CDKAL1: variants seen among roughly 807,000 people sequenced by gnomAD.
The protein encoded by CDKAL1 is threonylcarbamoyladenosine tRNA methylthiotransferase.
A neutral mutation model predicts 68.2 loss-of-function variants in CDKAL1; 32 were observed. That is an observed-to-expected ratio of 0.47 (90% CI 0.35 to 0.63). The LOEUF is 0.63. CDKAL1 is among the 30% of genes least tolerant of loss of function. The pLI is 0.00. For missense variants in CDKAL1, 606 were observed against 696.7 expected (o/e 0.87, Z 1.47); for synonymous variants, 234 against 244.3 (o/e 0.96, Z 0.39).
chr6:20,748,792 A>G (rs1543363), intron 6 of CDKAL1, among the ~76,000 whole-genome samples: 135,701 of 151,482 alleles, frequency 0.9, 60,850 homozygotes, highest in Middle Eastern at 0.93. Context: ...AACTGGACCT[A>G]GATATCACTT....
intron 8 of CDKAL1, among the ~76,000 whole-genome samples, chr6:20,836,214 T>C (rs1777934843): frequency 6.6e-6 from 1 of 152,196 alleles, no homozygotes. Flanking sequence ...AAGAAAAGCA[T>C]CGAAGTAAAT....
chr6:20,994,190 C>T (rs753807845), intron 10 of CDKAL1, among the ~76,000 whole-genome samples: 2 of 152,168 alleles, frequency 1.3e-5, no homozygotes, highest in Non-Finnish European at 1.5e-5. Flanking sequence ...TAAGAAAATG[C>T]ATTGTGGGCT....
chr6:20,716,885 G>C (rs184334305), intron 5 of CDKAL1, among the ~76,000 whole-genome samples: 1 of 152,072 alleles, frequency 6.6e-6, no homozygotes, highest in African/African-American at 2.4e-5. Context: ...AGGCAGAGAA[G>C]AGAGAACCAA....
chr6:20,674,564 A>G (rs912155483), intron 5 of CDKAL1, among the ~76,000 whole-genome samples: 14 of 152,166 alleles, frequency 9.2e-5, no homozygotes, highest in Non-Finnish European at 1.8e-4. Flanking sequence ...CACCTCAAAC[A>G]TTTATCATTT....
intron 10 of CDKAL1, among the ~76,000 whole-genome samples, chr6:20,958,278 T>G (rs1385099007): frequency 6.6e-6 from 1 of 152,228 alleles, no homozygotes; most frequent in Non-Finnish European, 1.5e-5. Flanking sequence ...TAAGAGGTTT[T>G]AAACTCTTCC....
At position 20,918,901 on chromosome 6, in the gene CDKAL1, C is replaced by T. The variant is rs1762832446; in HGVS notation, c.743-36518C>T. Among the ~76,000 whole-genome samples, 3 of 152,220 alleles carry T rather than the reference C, an allele frequency of 2.0e-5. No individual in the cohort carries two copies. In the South Asian group the frequency reaches 6.2e-4, roughly 31 times the overall value. Reference sequence around the variant, plus strand: ...TTTAGTGTTCATGGGCATTTCCACCCTCCAGTATTGGCCAACAGCAATATT... The same window carrying T: ...TTTAGTGTTCATGGGCATTTCCACCTTCCAGTATTGGCCAACAGCAATATT... On this transcript the variant is annotated intron_variant, in intron 9 of 15. Coordinates refer to ENST00000274695, the MANE Select transcript of CDKAL1 (RefSeq NM_017774.3).
chr6:20,573,197 A>G (rs994256341), intron 4 of CDKAL1, among the ~76,000 whole-genome samples: 8 of 152,116 alleles, frequency 5.3e-5, no homozygotes, highest in Non-Finnish European at 1.2e-4. Context: ...CAGATTGGAA[A>G]TTTCCATTGT....
intron 2 of CDKAL1, among the ~76,000 whole-genome samples, chr6:20,545,875 C>A (rs1170379878): frequency 6.6e-6 from 1 of 152,158 alleles, no homozygotes; most frequent in Non-Finnish European, 1.5e-5. Context: ...AAGGACAATA[C>A]TTTATATCGA....
chr6:20,747,348 T>G (rs926429901), intron 6 of CDKAL1, among the ~76,000 whole-genome samples: 7 of 152,218 alleles, frequency 4.6e-5, no homozygotes, highest in Non-Finnish European at 1.0e-4. Context: ...TTCCTTTGGA[T>G]ATATAAGGAT....
chr6:20,760,039 C>A (rs1390539608), intron 7 of CDKAL1, among the ~76,000 whole-genome samples: 1 of 151,318 alleles, frequency 6.6e-6, no homozygotes, highest in Non-Finnish European at 1.5e-5. Context: ...TGAATCATTG[C>A]CTTATCAGAG....
intron 8 of CDKAL1, among the ~76,000 whole-genome samples, chr6:20,795,113 T>C (rs1452329657): frequency 6.6e-6 from 1 of 152,138 alleles, no homozygotes; most frequent in Admixed American, 6.6e-5. Flanking sequence ...TCACTCATTA[T>C]TTACCTTTCC....
At chr6:21,162,315 C>T (rs1283254233) in intron 13 of CDKAL1, among the ~76,000 whole-genome samples, 1 of 152,170 alleles carries the variant, frequency 6.6e-6, no homozygotes, top group Non-Finnish European at 1.5e-5. Flanking sequence ...CTTGTTAACT[C>T]CTAATTCCCC....
intron 7 of CDKAL1, among the ~76,000 whole-genome samples, chr6:20,762,434 A>C (rs1227111609): frequency 6.6e-6 from 1 of 152,204 alleles, no homozygotes; most frequent in African/African-American, 2.4e-5. Context: ...GCAGATCAGG[A>C]AGCTGAGCTG....
At chr6:21,193,008 G>A (rs1000065953) in intron 13 of CDKAL1, among the ~76,000 whole-genome samples, 4 of 151,828 alleles carry the variant, frequency 2.6e-5, no homozygotes, top group African/African-American at 4.8e-5. Flanking sequence ...TTGTAGAAAC[G>A]AGGTCTTGCT....
chr6:21,003,332 C>T, intron 11 of CDKAL1, among the ~76,000 whole-genome samples: 1 of 56,060 alleles, frequency 1.8e-5, no homozygotes, highest in South Asian at 6.1e-4. Flanking sequence ...ATGGTGAAAC[C>T]ATCTCTACTA....
chr6:21,059,542 T>A (rs1771024817), intron 11 of CDKAL1, among the ~76,000 whole-genome samples: 1 of 152,156 alleles, frequency 6.6e-6, no homozygotes, highest in East Asian at 1.9e-4. Context: ...TGGCTGTGAG[T>A]GAGAGCTCCC....
chr6:20,688,478 T>G (rs1378075916), intron 5 of CDKAL1, among the ~76,000 whole-genome samples: 1 of 152,180 alleles, frequency 6.6e-6, no homozygotes, highest in African/African-American at 2.4e-5. Context: ...TTTTGTACAT[T>G]TCTATTGTGA....
chr6:20,616,554 GAGTTCA>G (rs1273397313), intron 4 of CDKAL1, among the ~76,000 whole-genome samples: 14 of 144,462 alleles, frequency 9.7e-5, no homozygotes, highest in Non-Finnish European at 1.5e-4. Flanking sequence ...TTGTGAATGG[GAGTTCA>G]CTCATGATTT....
intron 10 of CDKAL1, among the ~76,000 whole-genome samples, chr6:20,980,614 T>C (rs1766093377): frequency 6.6e-6 from 1 of 152,198 alleles, no homozygotes; most frequent in Non-Finnish European, 1.5e-5. Flanking sequence ...AGCATAAATA[T>C]TAAAATTGTT....
Sources: allele counts gnomAD v4.1 joint callset (sites outside exome capture counted in the v4.1 genomes callset), GRCh38; gene constraint gnomAD v4.1.1; transcripts MANE v1.5; gene names NCBI Gene and HGNC (gene_info 2026-07-23, HGNC 2026-07-21).